The following AGBL1 variants were observed in gnomAD, a reference collection of about 807,000 sequenced individuals.
The protein encoded by AGBL1 is AGBL carboxypeptidase 1.
AGBL1 carries 130 observed loss-of-function variants against 118.9 expected under a neutral mutation model. That is an observed-to-expected ratio of 1.09 (90% CI 0.95 to 1.26). AGBL1 has a LOEUF of 1.26. Ranked by LOEUF, AGBL1 falls within the 50% of genes most tolerant of loss-of-function variation. The pLI is 0.00. For synonymous variants in AGBL1, 555 were observed against 478.9 expected (o/e 1.16, Z -2.08); for missense variants, 1,584 against 1,298.1 (o/e 1.22, Z -3.38).
At chr15:87,022,092 G>A (rs1054137296) in intron 24 of AGBL1, among the ~76,000 whole-genome samples, 3 of 152,068 alleles carry the variant, frequency 2.0e-5, no homozygotes, top group Admixed American at 6.6e-5. Context: ...CATAGGAAAA[G>A]GGGGAGAGTA....
At chr15:86,768,304 T>C (rs2078125064) in intron 22 of AGBL1, among the ~76,000 whole-genome samples, 1 of 151,924 alleles carries the variant, frequency 6.6e-6, no homozygotes, top group Non-Finnish European at 1.5e-5. Context: ...TAACATAACA[T>C]AATATAACGT....
chr15:86,967,749 T>C (rs1596686187), intron 23 of AGBL1, among the ~76,000 whole-genome samples: 1 of 152,224 alleles, frequency 6.6e-6, no homozygotes. Flanking sequence ...TAGTTTGAAG[T>C]TACGTAGCAT....
intron 22 of AGBL1, among the ~76,000 whole-genome samples, chr15:86,744,032 T>C (rs1201587334): frequency 1.3e-5 from 2 of 152,108 alleles, no homozygotes; most frequent in East Asian, 3.9e-4. Context: ...AATATATATA[T>C]TTACTTTCAA....
chr15:86,516,939 G>A lies in AGBL1; in HGVS notation c.2556-5871G>A, dbSNP rs189287877. Among the ~76,000 whole-genome samples the A allele has an allele frequency of 1.3e-3, 200 of 152,286 alleles. 3 individuals carry two copies. In the South Asian group the frequency reaches 0.022, roughly 17 times the overall value. Reference sequence around the variant, plus strand: ...GCTGATTTCAGCTGAAGTTGTCCTGGTCGTGTGATCTTTTGAATTGCCCCA... The same window carrying A: ...GCTGATTTCAGCTGAAGTTGTCCTGATCGTGTGATCTTTTGAATTGCCCCA... On this transcript the variant is annotated intron_variant, in intron 18 of 22. Coordinates refer to ENST00000614907, the MANE Select transcript of AGBL1 (RefSeq NM_001386094.1).
At chr15:86,716,270 G>A (rs1188575005) in intron 22 of AGBL1, among the ~76,000 whole-genome samples, 6 of 152,058 alleles carry the variant, frequency 3.9e-5, no homozygotes, top group Non-Finnish European at 8.8e-5. Context: ...GAAGGTGACT[G>A]CTAAATACTC....
chr15:86,374,320 T>G (rs2081008031), intron 17 of AGBL1, among the ~76,000 whole-genome samples: 2 of 152,208 alleles, frequency 1.3e-5, no homozygotes, highest in Non-Finnish European at 2.9e-5. Flanking sequence ...TTATTTTATG[T>G]TTCATGGATG....
intron 9 of AGBL1, among the ~76,000 whole-genome samples, chr15:86,258,294 T>C (rs1297972637): frequency 6.6e-6 from 1 of 152,192 alleles, no homozygotes; most frequent in Non-Finnish European, 1.5e-5. Context: ...AATACTTTAT[T>C]CAGATGACCT....
intron 5 of AGBL1, among the ~76,000 whole-genome samples, chr15:86,218,851 C>T (rs149995924): frequency 0.018 from 2,811 of 152,280 alleles, 43 homozygotes; most frequent in Admixed American, 0.026. Flanking sequence ...AAACATCCTT[C>T]CCCAGTTGAG....
intron 1 of AGBL1, among the ~76,000 whole-genome samples, chr15:86,108,845 T>C (rs1897201728): frequency 6.6e-6 from 1 of 152,106 alleles, no homozygotes; most frequent in African/African-American, 2.4e-5. Context: ...TAGTCCCAGC[T>C]ACTTGGGAGG....
chr15:86,307,029 T>C (rs2079852201), intron 17 of AGBL1, among the ~76,000 whole-genome samples: 1 of 152,192 alleles, frequency 6.6e-6, no homozygotes, highest in Non-Finnish European at 1.5e-5. Flanking sequence ...TTTTTTCCTA[T>C]AGAGTTGTTT....
In AGBL1 at chr15:86,279,720, C is replaced by T; in HGVS notation, c.2157C>T (p.Phe719=). The T allele has an allele frequency of 6.2e-6, 10 of 1,613,784 alleles. No individual in the cohort carries two copies. Among genetic ancestry groups the T allele is most frequent in the Non-Finnish European group, 7.6e-6 (9 of 1,179,724 alleles). ...CYYTLTFAVT[F]PHSEDVCYLA... ...ATACCCTCACCTTTGCTGTCACCTT[C>T]CCACACAGTGAGGATGTCTGCTACC... The change falls in exon 16 of 23, where the codon TTC becomes TTT. Residue 719 remains phenylalanine, a synonymous_variant. Transcript: ENST00000614907.
intron 18 of AGBL1, among the ~76,000 whole-genome samples, chr15:86,416,564 CT>C (rs1555482581): frequency 6.6e-6 from 1 of 151,144 alleles, no homozygotes; most frequent in Non-Finnish European, 1.5e-5. Flanking sequence ...GTGGGGAACA[CT>C]TTTTTATAAA....
chr15:86,640,304 A>C (rs1451913798), intron 21 of AGBL1, among the ~76,000 whole-genome samples: 1 of 152,194 alleles, frequency 6.6e-6, no homozygotes, highest in East Asian at 1.9e-4. Context: ...ATATTATGGC[A>C]TGAGTGTTTC....
chr15:86,958,605 T>A (rs1054149574), intron 23 of AGBL1, among the ~76,000 whole-genome samples: 3 of 152,202 alleles, frequency 2.0e-5, no homozygotes. Flanking sequence ...GCTATACACA[T>A]AAATCTATTG....
intron 22 of AGBL1, among the ~76,000 whole-genome samples, chr15:86,882,188 A>G (rs913489517): frequency 6.6e-6 from 1 of 152,110 alleles, no homozygotes; most frequent in African/African-American, 2.4e-5. Context: ...TCTCATGACA[A>G]TGGTTTTTTG....
chr15:86,476,540 A>G (rs1003050190), intron 18 of AGBL1, among the ~76,000 whole-genome samples: 2 of 152,228 alleles, frequency 1.3e-5, no homozygotes, highest in African/African-American at 4.8e-5. Context: ...ACCATCCTAA[A>G]TATATATGCA....
At chr15:86,882,112 C>T (rs1437034920) in intron 22 of AGBL1, among the ~76,000 whole-genome samples, 1 of 152,168 alleles carries the variant, frequency 6.6e-6, no homozygotes, top group African/African-American at 2.4e-5. Context: ...TCTTGACCTG[C>T]AAAAATTCGC....
intron 22 of AGBL1, among the ~76,000 whole-genome samples, chr15:86,859,257 C>T (rs907198497): frequency 5.1e-4 from 78 of 152,316 alleles, no homozygotes; most frequent in African/African-American, 1.7e-3. Context: ...GCTCTAGCCT[C>T]ACCCTGGGCA....
intron 19 of AGBL1, among the ~76,000 whole-genome samples, chr15:86,538,243 A>G (rs941667178): frequency 6.6e-6 from 1 of 152,186 alleles, no homozygotes; most frequent in Non-Finnish European, 1.5e-5. Flanking sequence ...TGATGACCCA[A>G]TTTAAGTGAA....
Sources: allele counts gnomAD v4.1 joint callset (sites outside exome capture counted in the v4.1 genomes callset), GRCh38; gene constraint gnomAD v4.1.1; transcripts MANE v1.5; gene names NCBI Gene and HGNC (gene_info 2026-07-23, HGNC 2026-07-21).